CCDC178: variants seen among roughly 807,000 people sequenced by gnomAD.
CCDC178 encodes the protein coiled-coil domain-containing protein 178.
CCDC178 carries 126 observed loss-of-function variants against 117.4 expected under a neutral mutation model. That is an observed-to-expected ratio of 1.07 (90% CI 0.93 to 1.24). CCDC178 has a LOEUF of 1.24. CCDC178 is among the 50% of genes most tolerant of loss of function. CCDC178 has a pLI of 0.00. For missense variants in CCDC178, 1,030 were observed against 986.9 expected (o/e 1.04, Z -0.59); for synonymous variants, 283 against 313.4 (o/e 0.90, Z 1.02).
intron 20 of CCDC178, among the ~76,000 whole-genome samples, chr18:33,199,570 G>T (rs558157282): frequency 1.3e-5 from 2 of 152,052 alleles, no homozygotes; most frequent in Non-Finnish European, 2.9e-5. Context: ...ATTCTAACTT[G>T]TTGTCATCTG....
Position 32,941,106 on chromosome 18 carries a change from C to G in CCDC178, c.2524-3015G>C, listed in dbSNP as rs562262453. Among the ~76,000 whole-genome samples the G allele has an allele frequency of 7.9e-5, 12 of 151,472 alleles. No individual in the cohort carries two copies. In the South Asian group the frequency reaches 2.5e-3, roughly 32 times the overall value. ...TTTTTTTTTTTAATTCTGAAAGACG[C>G]TTACAAAGTTGCTTTAGACCTCACA... On this transcript the variant is annotated intron_variant, in intron 22 of 22. Transcript: ENST00000383096.
intron 3 of CCDC178, among the ~76,000 whole-genome samples, chr18:33,409,021 G>T (rs1177419247): frequency 6.6e-6 from 1 of 152,176 alleles, no homozygotes; most frequent in Non-Finnish European, 1.5e-5. Flanking sequence ...AGAACAATTT[G>T]AAAAAGATTG....
intron 3 of CCDC178, among the ~76,000 whole-genome samples, chr18:33,404,283 A>T (rs1396437785): frequency 6.6e-6 from 1 of 152,130 alleles, no homozygotes; most frequent in Non-Finnish European, 1.5e-5. Flanking sequence ...GGAAATTGTG[A>T]ATGTGGGTTA....
intron 2 of CCDC178, among the ~76,000 whole-genome samples, 184 bp downstream of exon 2, chr18:33,439,778 T>C (rs1305026957): frequency 6.6e-6 from 1 of 152,208 alleles, no homozygotes; most frequent in Non-Finnish European, 1.5e-5. Context: ...CAATGATAAA[T>C]AGGAGTGATA....
At chr18:33,305,759 C>A (rs1032379263) in intron 11 of CCDC178, among the ~76,000 whole-genome samples, 1 of 152,106 alleles carries the variant, frequency 6.6e-6, no homozygotes, top group Non-Finnish European at 1.5e-5. Context: ...CCTTCTTCTC[C>A]TCCTTGCTGA....
intron 20 of CCDC178, among the ~76,000 whole-genome samples, chr18:33,186,279 A>C (rs891151475): frequency 6.6e-6 from 1 of 152,004 alleles, no homozygotes; most frequent in African/African-American, 2.4e-5. Context: ...CATGAGTAAA[A>C]GAGTGTGTAT....
chr18:33,085,149 A>C (rs2057360382), intron 21 of CCDC178, among the ~76,000 whole-genome samples: 1 of 152,220 alleles, frequency 6.6e-6, no homozygotes, highest in Admixed American at 6.5e-5. Context: ...TAATCACACT[A>C]CAATTTGATA....
intron 15 of CCDC178, among the ~76,000 whole-genome samples, chr18:33,242,143 G>C (rs926448144): frequency 6.6e-6 from 1 of 151,544 alleles, no homozygotes; most frequent in African/African-American, 2.4e-5. Context: ...TTTGACAAAG[G>C]CACCAAGAAC....
intron 5 of CCDC178, among the ~76,000 whole-genome samples, chr18:33,374,748 T>C (rs746146966): frequency 1.3e-4 from 20 of 152,236 alleles, no homozygotes; most frequent in Non-Finnish European, 2.4e-4. Context: ...AAAGGCTAAA[T>C]AAATTGTGCA....
intron 2 of CCDC178, among the ~76,000 whole-genome samples, chr18:33,421,142 C>T (rs2064019263): frequency 6.6e-6 from 1 of 152,236 alleles, no homozygotes; most frequent in South Asian, 2.1e-4. Flanking sequence ...AGTTTCCAGG[C>T]ATTGCTGACA....
chr18:33,322,214 TA>T (rs1179335373), intron 11 of CCDC178, among the ~76,000 whole-genome samples: 6 of 151,308 alleles, frequency 4.0e-5, no homozygotes, highest in South Asian at 2.1e-4. Flanking sequence ...ACAGAAAAAT[TA>T]AAAAAAAATT....
At chr18:33,327,973 G>A in intron 10 of CCDC178, 1 of 325,260 alleles carries the variant, frequency 3.1e-6, no homozygotes. Flanking sequence ...TTTCTTGATA[G>A]TGTCCTTTGA....
At position 33,323,472 on chromosome 18, in the gene CCDC178, G is replaced by T; in HGVS notation, c.1022+19C>A. On this transcript the variant is annotated intron_variant, in intron 11 of 22. Coordinates refer to ENST00000383096, the MANE Select transcript of CCDC178 (RefSeq NM_001105528.4). Reference sequence around the variant, plus strand: ...TTAATTTCTAAATGCTATAATTAGTGTTTGCGAAAAATTCTTACTTGTAGG... The same window carrying T: ...TTAATTTCTAAATGCTATAATTAGTTTTTGCGAAAAATTCTTACTTGTAGG... 1 of 1,423,728 alleles carries T rather than the reference G, an allele frequency of 7.0e-7. No individual in the cohort carries two copies. Among genetic ancestry groups the T allele is most frequent in the Non-Finnish European group, 9.3e-7 (1 of 1,079,698 alleles). The allele number at this position is 1,423,728 out of a possible 1,614,324, so 88.2% of individuals were successfully genotyped here.
At chr18:33,245,121 A>C in intron 15 of CCDC178, 124 bp downstream of exon 15, 1 of 905,796 alleles carries the variant, frequency 1.1e-6, no homozygotes, top group South Asian at 3.1e-5. Context: ...ATTTATAAGA[A>C]GTGAGTTTTT....
At chr18:33,425,881 A>C (rs1001984207) in intron 2 of CCDC178, among the ~76,000 whole-genome samples, 2 of 152,140 alleles carry the variant, frequency 1.3e-5, no homozygotes, top group Non-Finnish European at 2.9e-5. Flanking sequence ...CCAGTAGAAA[A>C]ATATTTTGGC....
chr18:32,996,773 C>A (rs188455587), intron 21 of CCDC178, among the ~76,000 whole-genome samples: 30 of 151,696 alleles, frequency 2.0e-4, no homozygotes, highest in Admixed American at 1.8e-3. Flanking sequence ...CACTTGACTG[C>A]AAGCAAAATT....
intron 2 of CCDC178, among the ~76,000 whole-genome samples, chr18:33,437,981 A>T (rs1052838819): frequency 1.2e-4 from 19 of 152,338 alleles, no homozygotes; most frequent in African/African-American, 4.3e-4. Context: ...TTTCTAATAT[A>T]AGGATAAGTT....
intron 21 of CCDC178, among the ~76,000 whole-genome samples, chr18:32,980,825 T>C (rs1283990257): frequency 1.3e-5 from 2 of 152,188 alleles, no homozygotes; most frequent in African/African-American, 4.8e-5. Flanking sequence ...AAAATTAAAC[T>C]CATATGCTGT....
At chr18:33,016,745 C>A (rs1242096713) in intron 21 of CCDC178, among the ~76,000 whole-genome samples, 1 of 151,666 alleles carries the variant, frequency 6.6e-6, no homozygotes, top group Non-Finnish European at 1.5e-5. Flanking sequence ...TAACCACTAA[C>A]AAATTAACTC....
Sources: allele counts gnomAD v4.1 joint callset (sites outside exome capture counted in the v4.1 genomes callset), GRCh38; gene constraint gnomAD v4.1.1; transcripts MANE v1.5; gene names NCBI Gene and HGNC (gene_info 2026-07-23, HGNC 2026-07-21).